Variants in COMMD1 observed in about 807,000 individuals in gnomAD.
COMMD1 encodes COMM domain-containing protein 1.
In COMMD1, 10 loss-of-function variants were observed where a neutral mutation model predicts 17.2. The ratio of observed to expected loss-of-function variants is 0.58; its 90% CI spans 0.36 to 0.99. The LOEUF is 0.99. COMMD1 is among the 50% of genes least tolerant of loss of function. The pLI is 0.01. For synonymous variants in COMMD1, 97 were observed against 91.6 expected (o/e 1.06, Z -0.34); for missense variants, 270 against 231.8 (o/e 1.17, Z -1.07).
chr2:61,905,907 G>T (rs767655693), intron 1 of COMMD1, 49 bp downstream of exon 1: 2 of 1,586,518 alleles, frequency 1.3e-6, no homozygotes, highest in Non-Finnish European at 8.7e-7. Context: ...CCCCTTGGCC[G>T]CTGGCTTCAG....
intron 1 of COMMD1, among the ~76,000 whole-genome samples, chr2:61,908,157 C>T (rs1669818478): frequency 6.6e-6 from 1 of 151,766 alleles, no homozygotes; most frequent in Non-Finnish European, 1.5e-5. Context: ...AGGGATATGC[C>T]TTTGATTGTT....
intron 2 of COMMD1, among the ~76,000 whole-genome samples, chr2:62,080,704 C>G (rs1308588945): frequency 6.6e-6 from 1 of 151,722 alleles, no homozygotes; most frequent in Non-Finnish European, 1.5e-5. Context: ...CCCATTTCTA[C>G]CAATATTAGT....
chr2:62,119,982 T>A (rs1201555721), intron 2 of COMMD1, among the ~76,000 whole-genome samples: 1 of 152,134 alleles, frequency 6.6e-6, no homozygotes, highest in Non-Finnish European at 1.5e-5. Context: ...TTATTTTTTT[T>A]ATTATTATTC....
At chr2:61,941,018 T>TC (rs1670732879) in intron 1 of COMMD1, among the ~76,000 whole-genome samples, 1 of 147,654 alleles carries the variant, frequency 6.8e-6, no homozygotes, top group South Asian at 2.1e-4. Flanking sequence ...CTTTTTCCTT[T>TC]CCCTTTTTTT....
At chr2:61,888,571 G>T (rs1330595777), upstream of COMMD1, 4 of 1,569,634 alleles carry the variant, frequency 2.5e-6, no homozygotes, top group African/African-American at 2.7e-5. Flanking sequence ...CTGGCCGGCC[G>T]CAGTGTAATA....
intron 1 of COMMD1, among the ~76,000 whole-genome samples, chr2:61,979,312 A>T (rs1289406759): frequency 6.6e-6 from 1 of 152,090 alleles, no homozygotes; most frequent in Admixed American, 6.6e-5. Context: ...CCCCGTCTCT[A>T]CTAAAAATAC....
chr2:62,024,063 A>G (rs1669688288), intron 2 of COMMD1, among the ~76,000 whole-genome samples: 1 of 152,256 alleles, frequency 6.6e-6, no homozygotes, highest in South Asian at 2.1e-4. Flanking sequence ...ATATAATACC[A>G]TTAAAAACAT....
intron 1 of COMMD1, among the ~76,000 whole-genome samples, chr2:61,997,425 T>C (rs1216145167): frequency 6.6e-6 from 1 of 152,096 alleles, no homozygotes; most frequent in Non-Finnish European, 1.5e-5. Flanking sequence ...ATCCGTGGTC[T>C]GCAGAATGAA....
intron 2 of COMMD1, among the ~76,000 whole-genome samples, chr2:62,042,906 T>G (rs958122663): frequency 5.3e-5 from 8 of 152,234 alleles, no homozygotes; most frequent in African/African-American, 1.9e-4. Context: ...CTGAAGGTAT[T>G]TACAAGAAAT....
intron 2 of COMMD1, among the ~76,000 whole-genome samples, chr2:62,047,700 G>A (rs1248234377): frequency 1.3e-5 from 2 of 152,032 alleles, no homozygotes; most frequent in African/African-American, 4.8e-5. Flanking sequence ...TGATCCACTT[G>A]CCTCGGCCTC....
At chr2:62,085,456 A>T (rs1003428414) in intron 2 of COMMD1, among the ~76,000 whole-genome samples, 1 of 151,814 alleles carries the variant, frequency 6.6e-6, no homozygotes, top group South Asian at 2.1e-4. Flanking sequence ...TGACCTCGTG[A>T]TCCACTTGCC....
chr2:62,040,856 G>A (rs1670172521), intron 2 of COMMD1, among the ~76,000 whole-genome samples: 1 of 152,130 alleles, frequency 6.6e-6, no homozygotes. Flanking sequence ...GATTATAGGT[G>A]TGCACCACCA....
chr2:61,973,711 A>C (rs1160244891), intron 1 of COMMD1, among the ~76,000 whole-genome samples: 3 of 152,056 alleles, frequency 2.0e-5, no homozygotes, highest in African/African-American at 7.3e-5. Context: ...GCTTTTCAAA[A>C]TCTCAGTCTT....
intron 1 of COMMD1, among the ~76,000 whole-genome samples, chr2:61,981,581 G>A (rs1237470861): frequency 6.6e-6 from 1 of 152,094 alleles, no homozygotes; most frequent in Non-Finnish European, 1.5e-5. Context: ...AGACATACCC[G>A]AGACTGGAAA....
At chr2:62,071,843 C>A (rs1264345722) in intron 2 of COMMD1, among the ~76,000 whole-genome samples, 3 of 152,036 alleles carry the variant, frequency 2.0e-5, no homozygotes, top group African/African-American at 7.2e-5. Context: ...AGTTTAGGCA[C>A]AACTGATTAG....
chr2:61,897,149 A>G (rs1329422995), intron 1 of COMMD1, among the ~76,000 whole-genome samples: 1 of 152,146 alleles, frequency 6.6e-6, no homozygotes, highest in African/African-American at 2.4e-5. Flanking sequence ...TCTTAACACC[A>G]GAAATAGGGA....
chr2:62,080,121 T>C (rs1012114683), intron 2 of COMMD1, among the ~76,000 whole-genome samples: 4 of 152,128 alleles, frequency 2.6e-5, no homozygotes, highest in Admixed American at 2.6e-4. Flanking sequence ...ATAAACAATA[T>C]GCTTCCGAAG....
At chr2:61,958,424 G>A (rs913881268) in intron 1 of COMMD1, among the ~76,000 whole-genome samples, 6 of 151,992 alleles carry the variant, frequency 3.9e-5, no homozygotes, top group Non-Finnish European at 7.4e-5. Flanking sequence ...GTGCCATCAC[G>A]TCTGGCTAAT....
chr2:61,893,700 G>A (rs1669489155), intron 1 of COMMD1, among the ~76,000 whole-genome samples: 11 of 151,942 alleles, frequency 7.2e-5, no homozygotes, highest in Admixed American at 7.2e-4. Context: ...TATAATCTCA[G>A]CTACTCAGGA....
Sources: gnomAD v4.1 joint callset for allele counts (sites outside exome capture counted in the v4.1 genomes callset) on GRCh38, gnomAD v4.1.1 for gene constraint, MANE v1.5 for transcripts, NCBI Gene and HGNC (gene_info 2026-07-23, HGNC 2026-07-21) for gene names.